The following KATNBL1 variants were observed in gnomAD, a reference collection of about 807,000 sequenced individuals.
The protein encoded by KATNBL1 is katanin regulatory subunit B1 like 1, also known as KATNB1-like protein 1.
KATNBL1 carries 28 observed loss-of-function variants against 44.7 expected under a neutral mutation model. The ratio of observed to expected loss-of-function variants is 0.63; its 90% CI spans 0.46 to 0.86. The LOEUF is 0.86. Ranked by LOEUF, KATNBL1 falls within the 40% of genes least tolerant of loss-of-function variation. The pLI, the probability that KATNBL1 is intolerant of heterozygous loss-of-function variation, is 0.00. For synonymous variants in KATNBL1, 78 were observed against 114.9 expected, an observed-to-expected ratio of 0.68 and a Z score of 2.06; for missense variants, 272 against 350.7, an observed-to-expected ratio of 0.78 and a Z score of 1.79.
At chr15:34,204,895 TA>T (rs1469094965) in intron 1 of KATNBL1, among the ~76,000 whole-genome samples, 2 of 152,218 alleles carry the variant, frequency 1.3e-5, no homozygotes, top group African/African-American at 4.8e-5. Context: ...AAAATAGACT[TA>T]CTGAGAAACT....
chr15:34,198,570 A>G (rs752629634), intron 1 of KATNBL1, among the ~76,000 whole-genome samples: 2 of 152,256 alleles, frequency 1.3e-5, no homozygotes, highest in Admixed American at 6.5e-5. Context: ...CTACATTTTA[A>G]TCAATGTGTA....
At chr15:34,150,733 T>C (rs373400938) in intron 4 of KATNBL1, among the ~76,000 whole-genome samples, 1 of 152,202 alleles carries the variant, frequency 6.6e-6, no homozygotes, top group East Asian at 1.9e-4. Context: ...AACTGATAAG[T>C]AGTTTTTTGA....
At chr15:34,161,273 G>C (rs1354123019) in intron 2 of KATNBL1, among the ~76,000 whole-genome samples, 3 of 152,078 alleles carry the variant, frequency 2.0e-5, no homozygotes, top group Admixed American at 1.3e-4. Flanking sequence ...CAAGTTGTTG[G>C]TCTGTTTCTT....
rs1182011023 is a variant in KATNBL1, at chr15:34,181,679, CAT to C, written c.-14-17991_-14-17990del. Among the ~76,000 whole-genome samples the C allele has an allele frequency of 3.7e-5, 3 of 81,834 alleles. 1 individual carries two copies. The highest frequency in any genetic ancestry group is 7.2e-5 in the Non-Finnish European group (3 of 41,470). 53.7% of individuals were successfully genotyped at this position (81,834 alleles called of 152,430 possible). On this transcript the variant is annotated intron_variant, in intron 1 of 9. Coordinates refer to ENST00000256544, the MANE Select transcript of KATNBL1 (RefSeq NM_024713.3). ...CCATATATATATCCATATATATACACATATATATGTCCATATATATATCCATA... is the reference window on the plus strand; with the variant it reads ...CCATATATATATCCATATATATACACATATATGTCCATATATATATCCATA...
At chr15:34,142,712 AT>A (rs1555525597) in intron 9 of KATNBL1, 2 of 252,796 alleles carry the variant, frequency 7.9e-6, no homozygotes, top group Non-Finnish European at 1.5e-5. Context: ...GCCTCTTTCA[AT>A]TTCTTTCTCT....
At position 34,193,229 on chromosome 15, in the gene KATNBL1, A is replaced by AAAACAC. The variant is rs1889933978; in HGVS notation, c.-15+16721_-15+16722insGTGTTT. On this transcript the variant is annotated intron_variant, in intron 1 of 9. Coordinates refer to ENST00000256544, the MANE Select transcript of KATNBL1 (RefSeq NM_024713.3). The stretch of plus-strand genomic sequence containing the variant: ...GAGACTCCGTCTCAAAAAAAAAAAA[A>AAAACAC]AAAAAACAAAAAAAAAACTTAAGGC... 3.1e-5 allele frequency among the ~76,000 whole-genome samples: 4 copies of AAAACAC among 127,912 alleles called. No homozygotes were observed. In the South Asian group the frequency reaches 1.1e-3, roughly 34 times the overall value. 83.9% of individuals were successfully genotyped at this position (127,912 alleles called of 152,430 possible).
In KATNBL1 at chr15:34,176,833, T is replaced by C. The variant is rs146957303; in HGVS notation, c.-14-13143A>G. ...ACACTACAAATTCCATTTTGTTTCA[T>C]GTCTCATATATTTGACAGCACCTTT... On this transcript the variant is annotated intron_variant, in intron 1 of 9. Coordinates refer to ENST00000256544, the MANE Select transcript of KATNBL1 (RefSeq NM_024713.3). 1.3e-3 allele frequency among the ~76,000 whole-genome samples: 198 copies of C among 152,366 alleles called. No individual in the cohort carries two copies. The East Asian group carries it at 0.017, about 13-fold the overall frequency.
intron 1 of KATNBL1, chr15:34,208,854 T>G (rs1024488201): frequency 6.6e-6 from 1 of 152,112 alleles, no homozygotes; most frequent in Non-Finnish European, 1.5e-5. Context: ...ATAAAGGAGG[T>G]AGTAGAGCAA....
At chr15:34,209,214 T>C (rs554048075) in intron 1 of KATNBL1, 32 of 152,234 alleles carry the variant, frequency 2.1e-4, no homozygotes, top group Non-Finnish European at 3.4e-4. Context: ...TTAGGTGGAC[T>C]AGTTTCTCAT....
intron 1 of KATNBL1, among the ~76,000 whole-genome samples, chr15:34,207,430 G>C (rs762621280): frequency 1.1e-4 from 17 of 152,092 alleles, no homozygotes; most frequent in African/African-American, 4.1e-4. Flanking sequence ...GGATGGTCTC[G>C]ATCTCCTGAC....
In KATNBL1 at chr15:34,148,670, T is replaced by C; in HGVS notation, c.519A>G (p.Arg173=). ...CTACAAGTTCACTTATACTTCTCTTTCTCCAGAAAGTTAAAGCTACATTCA... is the reference window on the plus strand; with the variant it reads ...CTACAAGTTCACTTATACTTCTCTTCCTCCAGAAAGTTAAAGCTACATTCA... ...MRLNVALTFW[R]KRSISELVAY... The change falls in exon 5 of 10, where the codon AGA becomes AGG. Residue 173 remains arginine (R), a synonymous_variant. Coordinates refer to ENST00000256544, the MANE Select transcript of KATNBL1 (RefSeq NM_024713.3). The C allele has an allele frequency of 6.2e-7, 1 of 1,609,180 alleles. No homozygotes were observed. The highest frequency in any genetic ancestry group is 8.5e-7 in the Non-Finnish European group (1 of 1,175,658).
intron 1 of KATNBL1, 141 bp from the exon 2 acceptor site, chr15:34,163,831 C>T (rs1243257346): frequency 4.2e-6 from 2 of 479,684 alleles, no homozygotes; most frequent in South Asian, 4.0e-5. Flanking sequence ...TTTTTAAAAA[C>T]CTTAAACATA....
intron 1 of KATNBL1, among the ~76,000 whole-genome samples, chr15:34,174,135 T>C (rs1416866986): frequency 6.6e-6 from 1 of 152,206 alleles, no homozygotes; most frequent in African/African-American, 2.4e-5. Flanking sequence ...TATCTGATGT[T>C]GTTCAAAATA....
At chr15:34,189,174 G>A (rs768295103) in intron 1 of KATNBL1, among the ~76,000 whole-genome samples, 19 of 152,078 alleles carry the variant, frequency 1.2e-4, no homozygotes, top group Admixed American at 4.6e-4. Context: ...ACAGGCATGC[G>A]CCACCACGCC....
intron 1 of KATNBL1, among the ~76,000 whole-genome samples, chr15:34,198,609 T>A (rs1890087309): frequency 6.6e-6 from 1 of 152,234 alleles, no homozygotes; most frequent in South Asian, 2.1e-4. Context: ...AATACAAAAG[T>A]GTTCCAAAAA....
intron 1 of KATNBL1, among the ~76,000 whole-genome samples, chr15:34,205,096 T>C (rs995965472): frequency 1.3e-5 from 2 of 151,374 alleles, no homozygotes; most frequent in Non-Finnish European, 1.5e-5. Context: ...CGGGTTCAAG[T>C]GACTCCCCTG....
At chr15:34,161,160 C>A (rs1285360815) in intron 2 of KATNBL1, among the ~76,000 whole-genome samples, 1 of 152,172 alleles carries the variant, frequency 6.6e-6, no homozygotes, top group Non-Finnish European at 1.5e-5. Flanking sequence ...CTTTCAACCT[C>A]CAAGATACCC....
intron 1 of KATNBL1, among the ~76,000 whole-genome samples, chr15:34,172,758 CAG>C (rs1468550060): frequency 1.5e-5 from 1 of 68,292 alleles, no homozygotes; most frequent in Non-Finnish European, 2.8e-5. Flanking sequence ...CACACAGACA[CAG>C]ACACACACAC....
At chr15:34,178,687 C>T (rs1218966828) in intron 1 of KATNBL1, among the ~76,000 whole-genome samples, 3 of 141,886 alleles carry the variant, frequency 2.1e-5, no homozygotes, top group Admixed American at 7.5e-5. Flanking sequence ...ACCCAGGAGG[C>T]GGAGCTTGCA....
Sources: allele counts gnomAD v4.1 joint callset (sites outside exome capture counted in the v4.1 genomes callset), GRCh38; gene constraint gnomAD v4.1.1; transcripts MANE v1.5; gene names NCBI Gene and HGNC (gene_info 2026-07-23, HGNC 2026-07-21).